The following CALN1 variants were observed in gnomAD, a reference collection of about 807,000 sequenced individuals.
CALN1 encodes calneuron 1, also known as calcium-binding protein 8.
In CALN1, 17 loss-of-function variants were observed where a neutral mutation model predicts 30.6. That is an observed-to-expected ratio of 0.56 (90% CI 0.38 to 0.83). CALN1 has a LOEUF of 0.83. CALN1 is among the 40% of genes least tolerant of loss of function. CALN1 has a pLI of 0.00. For synonymous variants in CALN1, 156 were observed against 131.4 expected, an observed-to-expected ratio of 1.19 and a Z score of -1.28; for missense variants, 291 against 354.9, an observed-to-expected ratio of 0.82 and a Z score of 1.45.
At chr7:71,890,800 C>T (rs1413217390) in intron 5 of CALN1, among the ~76,000 whole-genome samples, 1 of 133,902 alleles carries the variant, frequency 7.5e-6, no homozygotes, top group Non-Finnish European at 1.5e-5. Context: ...GACTGGAGTG[C>T]AGTGGTGCAG....
chr7:72,045,307 C>T (rs1431394808), intron 4 of CALN1, among the ~76,000 whole-genome samples: 1 of 152,132 alleles, frequency 6.6e-6, no homozygotes, highest in Non-Finnish European at 1.5e-5. Flanking sequence ...ATCCAGGCAC[C>T]CAGACAACCA....
chr7:72,257,581 C>T (rs1795997860), intron 3 of CALN1, among the ~76,000 whole-genome samples: 2 of 152,132 alleles, frequency 1.3e-5, no homozygotes, highest in African/African-American at 2.4e-5. Flanking sequence ...AAAAGTAGAT[C>T]TACCACTTGA....
At chr7:72,451,227 G>GAGGAGGAGA (rs1808652607), upstream of CALN1, among the ~76,000 whole-genome samples, 1 of 125,548 alleles carries the variant, frequency 8.0e-6, no homozygotes, top group Admixed American at 7.6e-5. Context: ...GGAGGAGGAG[G>GAGGAGGAGA]AGGAGGAGAA....
chr7:72,124,228 TGC>T (rs1808587354), intron 3 of CALN1, among the ~76,000 whole-genome samples: 1 of 152,144 alleles, frequency 6.6e-6, no homozygotes, highest in South Asian at 2.1e-4. Flanking sequence ...AAGGTAACAC[TGC>T]AATCTATTGG....
chr7:71,992,937 T>C (rs917891468), intron 5 of CALN1, among the ~76,000 whole-genome samples: 3 of 152,232 alleles, frequency 2.0e-5, no homozygotes, highest in Non-Finnish European at 2.9e-5. Flanking sequence ...CTGATCTTGC[T>C]GATGAAACTT....
At chr7:71,945,459 C>T (rs746792704) in intron 5 of CALN1, among the ~76,000 whole-genome samples, 7 of 152,192 alleles carry the variant, frequency 4.6e-5, no homozygotes, top group Admixed American at 6.5e-5. Flanking sequence ...GGCTCCTCAT[C>T]GCCCAGGCTG....
At chr7:72,166,082 G>T (rs1026670890) in intron 3 of CALN1, among the ~76,000 whole-genome samples, 4 of 152,196 alleles carry the variant, frequency 2.6e-5, no homozygotes, top group African/African-American at 9.6e-5. Context: ...CTCACTTGCA[G>T]TGAGCACTAG....
At chr7:72,002,087 G>C (rs1458095725) in intron 5 of CALN1, among the ~76,000 whole-genome samples, 1 of 152,148 alleles carries the variant, frequency 6.6e-6, no homozygotes, top group African/African-American at 2.4e-5. Flanking sequence ...GTGAAGGACT[G>C]AAAAAATTGA....
At chr7:72,326,605 TTTC>T (rs1462542756) in intron 2 of CALN1, among the ~76,000 whole-genome samples, 10 of 152,356 alleles carry the variant, frequency 6.6e-5, no homozygotes, top group Non-Finnish European at 8.8e-5. Context: ...TGTTTGAGGT[TTTC>T]TTACCAGGCT....
At chr7:72,004,828 C>G (rs958311630) in intron 5 of CALN1, among the ~76,000 whole-genome samples, 33 of 152,050 alleles carry the variant, frequency 2.2e-4, no homozygotes, top group African/African-American at 8.0e-4. Context: ...AAACAACTAA[C>G]CAATTAGAAT....
In CALN1 at chr7:72,421,908, C is replaced by T. The variant is rs538679257; in HGVS notation, c.-225-9633G>A. On this transcript the variant is annotated intron_variant, in intron 1 of 6. Coordinates refer to the CALN1 transcript ENST00000395276. ...GGTTTTCCATTCCTGAGTTACTTCA[C>T]TTAGGATAATGGCCTCCAGTTCCAT... is the stretch of plus-strand genomic sequence containing the variant. Among the ~76,000 whole-genome samples the T allele has an allele frequency of 3.3e-3, 506 of 152,256 alleles. 2 individuals carry two copies. The highest frequency in any genetic ancestry group is 5.9e-3 in the Non-Finnish European group (398 of 68,008).
At chr7:72,494,728 A>G in the CALN1 span, among the ~76,000 whole-genome samples, 6 of 152,230 alleles carry the variant, frequency 3.9e-5, no homozygotes, top group Non-Finnish European at 7.4e-5. Context: ...TTACCCAGGT[A>G]TAGTTGGGCA....
intron 5 of CALN1, among the ~76,000 whole-genome samples, chr7:71,893,533 A>G (rs1793370468): frequency 6.6e-6 from 1 of 152,088 alleles, no homozygotes; most frequent in Non-Finnish European, 1.5e-5. Flanking sequence ...TCTACTAAAA[A>G]TACAAAAATT....
chr7:72,410,463 C>T (rs534358727), intron 1 of CALN1, among the ~76,000 whole-genome samples: 4 of 152,244 alleles, frequency 2.6e-5, no homozygotes, highest in African/African-American at 9.6e-5. Flanking sequence ...TTGTTTTCTC[C>T]CTATCTCTGC....
At chr7:72,401,681 C>CA (rs1806350911) in intron 2 of CALN1, among the ~76,000 whole-genome samples, 1 of 152,060 alleles carries the variant, frequency 6.6e-6, no homozygotes, top group East Asian at 1.9e-4. Context: ...CAACTCTTGC[C>CA]AAAAAATTCC....
At chr7:72,431,016 G>A (rs907732894) in intron 1 of CALN1, among the ~76,000 whole-genome samples, 39 of 126,966 alleles carry the variant, frequency 3.1e-4, no homozygotes, top group African/African-American at 1.1e-3. Flanking sequence ...TGCAACCTCC[G>A]CCTCCCGGGT....
chr7:71,917,621 C>T (rs1314515192), intron 5 of CALN1, among the ~76,000 whole-genome samples: 2 of 152,044 alleles, frequency 1.3e-5, no homozygotes, highest in African/African-American at 4.8e-5. Flanking sequence ...GCGGAAGGCA[C>T]CTCTCCATGG....
chr7:72,426,308 C>T (rs1364833403), intron 1 of CALN1, among the ~76,000 whole-genome samples: 3 of 152,136 alleles, frequency 2.0e-5, no homozygotes, highest in African/African-American at 7.2e-5. Flanking sequence ...GAATTTTAAT[C>T]CTTAGGTGTT....
intron 3 of CALN1, among the ~76,000 whole-genome samples, chr7:72,179,630 AAT>A (rs1259220822): frequency 1.3e-5 from 2 of 152,126 alleles, no homozygotes; most frequent in African/African-American, 4.8e-5. Context: ...ATATCCACCT[AAT>A]TGTCAAACTT....
Sources: allele counts gnomAD v4.1 joint callset (sites outside exome capture counted in the v4.1 genomes callset), GRCh38; gene constraint gnomAD v4.1.1; transcripts MANE v1.5; gene names NCBI Gene and HGNC (gene_info 2026-07-23, HGNC 2026-07-21).